The following ASTN1 variants were observed in gnomAD, a reference collection of about 807,000 sequenced individuals.
ASTN1 encodes the protein astrotactin 1.
ASTN1 carries 41 observed loss-of-function variants against 140.7 expected under a neutral mutation model. That is an observed-to-expected ratio of 0.29 (90% CI 0.23 to 0.38). The LOEUF (loss-of-function observed/expected upper bound fraction) is 0.38. Among genes scored for constraint, ASTN1 ranks in the 10% least tolerant of loss-of-function variants. The pLI is 1.00. For synonymous variants in ASTN1, 640 were observed against 652.2 expected, an observed-to-expected ratio of 0.98 and a Z score of 0.29; for missense variants, 1,479 against 1,678.8, an observed-to-expected ratio of 0.88 and a Z score of 2.08.
chr1:176,981,063 T>C (rs752302460), intron 8 of ASTN1, among the ~76,000 whole-genome samples: 2 of 151,162 alleles, frequency 1.3e-5, no homozygotes, highest in Non-Finnish European at 2.9e-5. Flanking sequence ...AATACAAAAA[T>C]TAGCTGGGCG....
At chr1:176,933,402 A>G (rs1438386194) in intron 16 of ASTN1, among the ~76,000 whole-genome samples, 1 of 152,182 alleles carries the variant, frequency 6.6e-6, no homozygotes, top group Admixed American at 6.5e-5. Flanking sequence ...CATATCTACA[A>G]CTTGGCCTCA....
chr1:177,046,176 C>T lies in ASTN1; in HGVS notation c.472-13327G>A, dbSNP rs574787266. Reference sequence around the variant, plus strand: ...CTACAAACCGGGTAGACCCCATTGGCACACTGAAGGCTCAGTGTTCCCCTG... The same window carrying T: ...CTACAAACCGGGTAGACCCCATTGGTACACTGAAGGCTCAGTGTTCCCCTG... On this transcript the variant is annotated intron_variant, in intron 2 of 22. Transcript: ENST00000361833. Among the ~76,000 whole-genome samples, 373 of 152,262 alleles carry T rather than the reference C, an allele frequency of 2.4e-3. 2 individuals carry two copies. The highest frequency in any genetic ancestry group is 8.4e-3 in the African/African-American group (350 of 41,554).
intron 16 of ASTN1, among the ~76,000 whole-genome samples, chr1:176,898,912 A>T (rs1462760698): frequency 6.6e-6 from 1 of 152,228 alleles, no homozygotes; most frequent in African/African-American, 2.4e-5. Flanking sequence ...CTCTGGACAG[A>T]AGAAATAAGC....
At chr1:176,878,864 A>G (rs1668672721) in intron 20 of ASTN1, among the ~76,000 whole-genome samples, 1 of 152,180 alleles carries the variant, frequency 6.6e-6, no homozygotes, top group Non-Finnish European at 1.5e-5. Flanking sequence ...CCCAGGATTA[A>G]CAATGTCATA....
At chr1:177,108,084 T>G (rs1680635867) in intron 1 of ASTN1, among the ~76,000 whole-genome samples, 1 of 152,132 alleles carries the variant, frequency 6.6e-6, no homozygotes, top group Non-Finnish European at 1.5e-5. Flanking sequence ...GCGTGGTGAT[T>G]CACACCTGTA....
chr1:177,015,301 T>C (rs959377955), intron 7 of ASTN1, among the ~76,000 whole-genome samples: 4 of 152,200 alleles, frequency 2.6e-5, no homozygotes, highest in Admixed American at 6.5e-5. Context: ...TCTTGGAAAG[T>C]AGGTATTATT....
intron 2 of ASTN1, among the ~76,000 whole-genome samples, chr1:177,047,325 A>G (rs1435688592): frequency 6.6e-6 from 1 of 152,196 alleles, no homozygotes. Flanking sequence ...GTGAAATCAT[A>G]GAAGTATTAA....
chr1:177,093,425 A>C (rs1190713901), intron 1 of ASTN1, among the ~76,000 whole-genome samples: 1 of 152,214 alleles, frequency 6.6e-6, no homozygotes, highest in East Asian at 1.9e-4. Flanking sequence ...TAATTTAAGA[A>C]GGAAATAGTC....
chr1:176,876,927 C>T (rs1396929883), intron 20 of ASTN1, among the ~76,000 whole-genome samples: 1 of 152,182 alleles, frequency 6.6e-6, no homozygotes, highest in East Asian at 1.9e-4. Context: ...CCCAGACCAG[C>T]AGGACCAGCA....
At chr1:176,988,023 T>C (rs1411526911) in intron 8 of ASTN1, among the ~76,000 whole-genome samples, 1 of 152,132 alleles carries the variant, frequency 6.6e-6, no homozygotes, top group East Asian at 1.9e-4. Flanking sequence ...AGGTCAAGAA[T>C]GATGGGAGTT....
At chr1:177,027,124 C>T (rs1055945149) in intron 5 of ASTN1, among the ~76,000 whole-genome samples, 29 of 152,310 alleles carry the variant, frequency 1.9e-4, no homozygotes, top group African/African-American at 6.5e-4. Context: ...ATTATTTCCT[C>T]CTCCACAGAA....
intron 18 of ASTN1, 29 bp from the exon 19 acceptor site, chr1:176,884,519 C>T: frequency 6.3e-7 from 1 of 1,587,044 alleles, no homozygotes; most frequent in Non-Finnish European, 8.6e-7. Flanking sequence ...GAACATGAAA[C>T]AGGGACACAA....
At chr1:177,046,092 C>T (rs1167560938) in intron 2 of ASTN1, among the ~76,000 whole-genome samples, 1 of 152,172 alleles carries the variant, frequency 6.6e-6, no homozygotes, top group Non-Finnish European at 1.5e-5. Context: ...GAACCAAACA[C>T]TGTCAGGACC....
chr1:176,904,001 C>T (rs1669878391), intron 16 of ASTN1, among the ~76,000 whole-genome samples: 1 of 152,150 alleles, frequency 6.6e-6, no homozygotes, highest in Non-Finnish European at 1.5e-5. Context: ...TCCAAATCTC[C>T]CCCTCATTTC....
intron 14 of ASTN1, among the ~76,000 whole-genome samples, chr1:176,936,979 C>T (rs976610726): frequency 3.3e-5 from 5 of 152,036 alleles, no homozygotes; most frequent in South Asian, 2.1e-4. Flanking sequence ...AAATTGGGGG[C>T]GTAAAAGTAC....
At chr1:176,970,815 T>C (rs1043052064) in intron 8 of ASTN1, among the ~76,000 whole-genome samples, 2 of 151,806 alleles carry the variant, frequency 1.3e-5, no homozygotes, top group Non-Finnish European at 2.9e-5. Context: ...GAAGCAGTGA[T>C]GAGTAGGGCA....
At chr1:176,999,503 T>C (rs1248248243) in intron 8 of ASTN1, among the ~76,000 whole-genome samples, 1 of 152,224 alleles carries the variant, frequency 6.6e-6, no homozygotes, top group East Asian at 1.9e-4. Context: ...GATGAATTCA[T>C]GTGGAATTGA....
At chr1:177,103,175 T>C (rs1680381255) in intron 1 of ASTN1, among the ~76,000 whole-genome samples, 1 of 152,188 alleles carries the variant, frequency 6.6e-6, no homozygotes, top group South Asian at 2.1e-4. Flanking sequence ...TTGGTGTTGG[T>C]CTTATACAGA....
At chr1:177,077,034 C>T (rs1678946798) in intron 1 of ASTN1, among the ~76,000 whole-genome samples, 1 of 152,128 alleles carries the variant, frequency 6.6e-6, no homozygotes. Context: ...GGCCATAAAC[C>T]TATCAGTGAC....
Sources: gnomAD v4.1 joint callset for allele counts (sites outside exome capture counted in the v4.1 genomes callset) on GRCh38, gnomAD v4.1.1 for gene constraint, MANE v1.5 for transcripts, NCBI Gene and HGNC (gene_info 2026-07-23, HGNC 2026-07-21) for gene names.